Variants in NDST3 observed in about 807,000 individuals in gnomAD.
NDST3 encodes the protein N-deacetylase and N-sulfotransferase 3.
Under a neutral mutation model 96.1 loss-of-function variants are expected in NDST3, and 58 were observed. The observed-to-expected ratio is 0.60, with a 90% CI of 0.49 to 0.75. The LOEUF (loss-of-function observed/expected upper bound fraction) is 0.75, where lower values mean the gene tolerates loss of function less well. Among genes scored for constraint, NDST3 ranks in the 30% least tolerant of loss-of-function variants. The pLI, the probability that NDST3 is intolerant of heterozygous loss-of-function variation, is 0.00. For synonymous variants in NDST3, 333 were observed against 359.7 expected, an observed-to-expected ratio of 0.93 and a Z score of 0.84; for missense variants, 788 against 1,034.2, an observed-to-expected ratio of 0.76 and a Z score of 3.27.
chr4:118,253,299 C>T (rs912139453), intron 12 of NDST3, among the ~76,000 whole-genome samples, 200 bp from the exon 13 acceptor site: 4 of 152,074 alleles, frequency 2.6e-5, no homozygotes, highest in African/African-American at 9.7e-5. Flanking sequence ...GACAGATGAA[C>T]TCAGAATTTA....
chr4:118,122,276 C>T lies in NDST3; in HGVS notation c.1224+7316C>T, dbSNP rs1354126862. Among the ~76,000 whole-genome samples the T allele has an allele frequency of 2.0e-5, 3 of 152,202 alleles. No homozygotes were observed. The East Asian group carries it at 5.8e-4, about 29-fold the overall frequency. On this transcript the variant is annotated intron_variant, in intron 4 of 13. Coordinates refer to ENST00000296499, the MANE Select transcript of NDST3 (RefSeq NM_004784.3). ...ATTTCCAGATCCATTCCTGCTGCTC[C>T]CGAATTTTCACTGCTCTTTCCTTTT...
intron 2 of NDST3, among the ~76,000 whole-genome samples, chr4:118,095,604 A>G (rs1729237953): frequency 6.6e-6 from 1 of 151,518 alleles, no homozygotes; most frequent in Admixed American, 6.6e-5. Flanking sequence ...ATGTAAAATT[A>G]ACTATTTTAA....
At chr4:118,140,348 A>G (rs1235803180) in intron 5 of NDST3, among the ~76,000 whole-genome samples, 1 of 152,136 alleles carries the variant, frequency 6.6e-6, no homozygotes, top group Non-Finnish European at 1.5e-5. Flanking sequence ...AATTCCTACA[A>G]CACATCATTT....
intron 8 of NDST3, among the ~76,000 whole-genome samples, chr4:118,229,348 C>G (rs1320430155): frequency 6.6e-6 from 1 of 152,118 alleles, no homozygotes; most frequent in Non-Finnish European, 1.5e-5. Flanking sequence ...TTCTAGTTAT[C>G]TGGATATTCA....
chr4:118,061,133 C>G (rs1464193007), intron 2 of NDST3, among the ~76,000 whole-genome samples: 1 of 152,160 alleles, frequency 6.6e-6, no homozygotes, highest in Non-Finnish European at 1.5e-5. Context: ...ACACGCCCAG[C>G]TCCTTTTCCC....
intron 12 of NDST3, among the ~76,000 whole-genome samples, chr4:118,245,519 C>T (rs1299434799): frequency 1.3e-5 from 2 of 152,120 alleles, no homozygotes; most frequent in East Asian, 3.9e-4. Flanking sequence ...AATATAACTT[C>T]CTTGGCAACG....
intron 6 of NDST3, among the ~76,000 whole-genome samples, chr4:118,153,701 G>A (rs1339777291): frequency 6.6e-6 from 1 of 152,110 alleles, no homozygotes; most frequent in African/African-American, 2.4e-5. Flanking sequence ...GTGCATGCCT[G>A]TAATCCCAGC....
At chr4:118,152,666 G>C (rs1158133025) in intron 6 of NDST3, among the ~76,000 whole-genome samples, 1 of 152,016 alleles carries the variant, frequency 6.6e-6, no homozygotes, top group Non-Finnish European at 1.5e-5. Context: ...GCTTTATTTT[G>C]AACCCAACAG....
At chr4:118,240,264 G>GTAA (rs113445300) in intron 10 of NDST3, among the ~76,000 whole-genome samples, 5,935 of 152,176 alleles carry the variant, frequency 0.039, 175 homozygotes, top group African/African-American at 0.085. Context: ...AAACAACTCA[G>GTAA]TAATGCTGGT....
chr4:118,185,797 G>T (rs1048691724), intron 6 of NDST3, among the ~76,000 whole-genome samples: 2 of 152,114 alleles, frequency 1.3e-5, no homozygotes, highest in Non-Finnish European at 2.9e-5. Flanking sequence ...ATTGACACAA[G>T]AATGGGTTTA....
chr4:118,116,632 C>A (rs180942609), intron 4 of NDST3, among the ~76,000 whole-genome samples: 4 of 151,988 alleles, frequency 2.6e-5, no homozygotes, highest in East Asian at 1.9e-4. Context: ...CCGAGGTGGG[C>A]GGATCACGAG....
At chr4:118,124,423 A>T (rs1030980176) in intron 4 of NDST3, among the ~76,000 whole-genome samples, 58 of 152,072 alleles carry the variant, frequency 3.8e-4, no homozygotes, top group African/African-American at 1.2e-3. Context: ...CTTTGTTTAT[A>T]TCCTTCATGC....
intron 6 of NDST3, among the ~76,000 whole-genome samples, chr4:118,187,024 T>C (rs1737009784): frequency 6.6e-6 from 1 of 152,188 alleles, no homozygotes; most frequent in Admixed American, 6.5e-5. Flanking sequence ...GTTTGGAGTA[T>C]GCTTTTTAGC....
chr4:118,088,224 A>G (rs1728587172), intron 2 of NDST3, among the ~76,000 whole-genome samples: 1 of 152,086 alleles, frequency 6.6e-6, no homozygotes, highest in Non-Finnish European at 1.5e-5. Flanking sequence ...TCATATTTTA[A>G]AGGATACCGT....
chr4:118,236,385 GGATATAGAACAT>G (rs1432983027), intron 9 of NDST3, among the ~76,000 whole-genome samples: 1 of 152,084 alleles, frequency 6.6e-6, no homozygotes, highest in African/African-American at 2.4e-5. Flanking sequence ...CTACCCATGA[GGATATAGAACAT>G]GACCTTGGGA....
intron 4 of NDST3, among the ~76,000 whole-genome samples, chr4:118,132,701 C>T (rs1230079015): frequency 6.6e-6 from 1 of 152,186 alleles, no homozygotes; most frequent in Non-Finnish European, 1.5e-5. Flanking sequence ...GTCCCAAGTG[C>T]CCAAGGCTCA....
chr4:118,249,787 G>A (rs1005877318), intron 12 of NDST3, among the ~76,000 whole-genome samples: 1 of 150,486 alleles, frequency 6.6e-6, no homozygotes, highest in Admixed American at 6.6e-5. Context: ...CATTTTAAGT[G>A]CTTTGTTAAT....
chr4:118,053,000 A>T (rs1295477516), intron 1 of NDST3, among the ~76,000 whole-genome samples: 1 of 152,002 alleles, frequency 6.6e-6, no homozygotes, highest in Non-Finnish European at 1.5e-5. Context: ...AAAAAGCGGA[A>T]ATAGAATGGT....
intron 3 of NDST3, among the ~76,000 whole-genome samples, chr4:118,113,379 A>G (rs1219123753): frequency 1.3e-5 from 2 of 152,254 alleles, no homozygotes; most frequent in African/African-American, 4.8e-5. Flanking sequence ...AAGTTCCTTC[A>G]TATCAGTAGA....
Sources: gnomAD v4.1 joint callset for allele counts (sites outside exome capture counted in the v4.1 genomes callset) on GRCh38, gnomAD v4.1.1 for gene constraint, MANE v1.5 for transcripts, NCBI Gene and HGNC (gene_info 2026-07-23, HGNC 2026-07-21) for gene names.